The following PKP4 variants were observed in gnomAD, a reference collection of about 807,000 sequenced individuals.
PKP4 encodes plakophilin-4.
Under a neutral mutation model 145.1 loss-of-function variants are expected in PKP4, and 90 were observed. The observed-to-expected ratio is 0.62, with a 90% CI of 0.52 to 0.74. PKP4 has a LOEUF of 0.74. Among genes scored for constraint, PKP4 ranks in the 30% least tolerant of loss-of-function variants. The pLI, the probability that PKP4 is intolerant of heterozygous loss-of-function variation, is 0.00. For synonymous variants in PKP4, 563 were observed against 577.2 expected, an observed-to-expected ratio of 0.98 and a Z score of 0.35; for missense variants, 1,340 against 1,482.7, an observed-to-expected ratio of 0.90 and a Z score of 1.58.
chr2:158,479,275 G>C (rs1692977746), intron 1 of PKP4, among the ~76,000 whole-genome samples: 1 of 151,682 alleles, frequency 6.6e-6, no homozygotes, highest in South Asian at 2.1e-4. Context: ...TCAGGTTGGA[G>C]TGCAGTGGCA....
intron 1 of PKP4, among the ~76,000 whole-genome samples, chr2:158,470,331 A>T (rs978198953): frequency 6.6e-6 from 1 of 152,206 alleles, no homozygotes; most frequent in Non-Finnish European, 1.5e-5. Flanking sequence ...GGCCCGTTAC[A>T]GTCAAACCTT....
chr2:158,554,406 A>G (rs1275329100), intron 2 of PKP4, among the ~76,000 whole-genome samples: 9 of 129,372 alleles, frequency 7.0e-5, no homozygotes. Flanking sequence ...CTTAGTATTC[A>G]CTCAGAAATA....
At chr2:158,491,359 C>G (rs1322644928) in intron 1 of PKP4, among the ~76,000 whole-genome samples, 4 of 152,168 alleles carry the variant, frequency 2.6e-5, no homozygotes, top group East Asian at 3.9e-4. Context: ...TGGCTGCATC[C>G]ATCTATATGT....
intron 1 of PKP4, among the ~76,000 whole-genome samples, chr2:158,506,150 G>T (rs2040956184): frequency 6.6e-6 from 1 of 152,174 alleles, no homozygotes; most frequent in African/African-American, 2.4e-5. Flanking sequence ...GCAATTGAAA[G>T]ATCCCAGAAG....
chr2:158,530,844 A>G (rs916499053), intron 1 of PKP4, among the ~76,000 whole-genome samples: 3 of 152,094 alleles, frequency 2.0e-5, no homozygotes, highest in African/African-American at 7.2e-5. Flanking sequence ...ATCAGAATAG[A>G]TATCATCCAT....
chr2:158,505,113 A>G (rs1574153271), intron 1 of PKP4, among the ~76,000 whole-genome samples: 1 of 152,158 alleles, frequency 6.6e-6, no homozygotes, highest in Non-Finnish European at 1.5e-5. Context: ...TGCTTACTTC[A>G]TGAGGATGTT....
intron 19 of PKP4, among the ~76,000 whole-genome samples, chr2:158,676,501 G>A (rs1033616849): frequency 1.3e-5 from 2 of 152,188 alleles, no homozygotes; most frequent in Non-Finnish European, 2.9e-5. Context: ...CAGCTTGAGA[G>A]TGAGCCCCGG....
chr2:158,661,540 CT>C, intron 13 of PKP4, 90 bp downstream of exon 13: 1 of 821,502 alleles, frequency 1.2e-6, no homozygotes, highest in Non-Finnish European at 2.1e-6. Context: ...TCTTTCTGAC[CT>C]GCGGATCCTG....
At chr2:158,567,479 T>C (rs2047086987) in intron 2 of PKP4, among the ~76,000 whole-genome samples, 1 of 152,174 alleles carries the variant, frequency 6.6e-6, no homozygotes, top group Non-Finnish European at 1.5e-5. Context: ...TAGAGCGTGG[T>C]GCGCAGTGGT....
Position 158,680,724 on chromosome 2 carries a change from G to A in PKP4, c.*47G>A. 6.7e-7 allele frequency: 1 copy of A among 1,499,600 alleles called. No individual in the cohort carries two copies. The highest frequency in any genetic ancestry group is 2.3e-5 in the East Asian group (1 of 43,368). The allele number at this position is 1,499,600 out of a possible 1,614,324, so 92.9% of individuals were successfully genotyped here. The stretch of plus-strand genomic sequence containing the variant: ...AACTCTTTCTTTCTAACCTTGTTCA[G>A]ATTGAGGTGAAAAGTCCATCTTGCT... On this transcript the variant is annotated 3_prime_UTR_variant, in exon 22 of 22. Transcript: ENST00000389759.
intron 2 of PKP4, among the ~76,000 whole-genome samples, chr2:158,557,336 A>C (rs140289876): frequency 6.6e-6 from 1 of 152,298 alleles, no homozygotes; most frequent in Non-Finnish European, 1.5e-5. Context: ...AGGAAATGTA[A>C]GGGAATGGCT....
In PKP4 at chr2:158,658,196, A is replaced by G. The variant is rs773887756; in HGVS notation, c.1975A>G (p.Thr659Ala). The change falls in exon 12 of 22, where the codon ACC becomes GCC. Residue 659 changes from threonine to alanine, a missense_variant. By Grantham distance (58) the Thr-to-Ala change is moderately conservative (BLOSUM62 0). Transcript: ENST00000389759. ...KMTIIRDALS[T>A]LTNTVIVPHS... Reference sequence around the variant, plus strand: ...GACAATCATTCGAGATGCTCTCTCAACCTTAACAAACACTGTGATTGTTCC... The same window carrying G: ...GACAATCATTCGAGATGCTCTCTCAGCCTTAACAAACACTGTGATTGTTCC... 2 of 1,603,796 alleles carry G rather than the reference A, an allele frequency of 1.2e-6. No homozygotes were observed. The highest frequency in any genetic ancestry group is 2.2e-5 in the East Asian group (1 of 44,798).
At chr2:158,483,038 C>T (rs1359900838) in intron 1 of PKP4, among the ~76,000 whole-genome samples, 4 of 152,154 alleles carry the variant, frequency 2.6e-5, no homozygotes, top group Admixed American at 2.0e-4. Context: ...AAATTTAGAC[C>T]TCAAGAGTAG....
chr2:158,629,736 ACT>A (rs577895740), intron 7 of PKP4, among the ~76,000 whole-genome samples: 174 of 150,720 alleles, frequency 1.2e-3, no homozygotes, highest in African/African-American at 4.1e-3. Flanking sequence ...TTTGAGACAG[ACT>A]CTGTCTCTGT....
At chr2:158,571,459 G>A (rs1259671799) in intron 2 of PKP4, among the ~76,000 whole-genome samples, 1 of 152,146 alleles carries the variant, frequency 6.6e-6, no homozygotes, top group African/African-American at 2.4e-5. Context: ...AAGGAGCCAG[G>A]AGCACACCAT....
intron 1 of PKP4, among the ~76,000 whole-genome samples, chr2:158,499,352 G>A (rs1325376625): frequency 2.0e-5 from 3 of 152,082 alleles, no homozygotes; most frequent in Non-Finnish European, 4.4e-5. Context: ...CCAACAGCCT[G>A]CCCCATGTAG....
intron 1 of PKP4, among the ~76,000 whole-genome samples, chr2:158,502,387 A>G (rs1419527912): frequency 1.3e-5 from 2 of 152,142 alleles, no homozygotes; most frequent in Non-Finnish European, 2.9e-5. Context: ...AAAAGTTTCC[A>G]AAGAAGTTAG....
chr2:158,552,562 G>A (rs1364539050), intron 2 of PKP4, among the ~76,000 whole-genome samples: 4 of 136,410 alleles, frequency 2.9e-5, no homozygotes, highest in Non-Finnish European at 6.5e-5. Context: ...TATTAAAGGT[G>A]GTTCTGGTGA....
intron 1 of PKP4, among the ~76,000 whole-genome samples, chr2:158,517,753 C>CAA (rs141217565): frequency 2.6e-4 from 37 of 142,208 alleles, no homozygotes; most frequent in Non-Finnish European, 2.3e-4. Context: ...CCCGACTCTA[C>CAA]AAAAAAAAAA....
Sources: allele counts gnomAD v4.1 joint callset (sites outside exome capture counted in the v4.1 genomes callset), GRCh38; gene constraint gnomAD v4.1.1; transcripts MANE v1.5; gene names NCBI Gene and HGNC (gene_info 2026-07-23, HGNC 2026-07-21).